Variants in CHCHD5 observed in about 807,000 individuals in gnomAD.
The protein encoded by CHCHD5 is coiled-coil-helix-coiled-coil-helix domain containing 5.
A neutral mutation model predicts 16.0 loss-of-function variants in CHCHD5; 10 were observed. That is an observed-to-expected ratio of 0.63 (90% confidence interval 0.39 to 1.06). CHCHD5 has a LOEUF of 1.06. Among genes scored for constraint, CHCHD5 ranks in the 50% least tolerant of loss-of-function variants. The pLI is 0.01. For missense variants in CHCHD5, 163 were observed against 153.4 expected, an observed-to-expected ratio of 1.06 and a Z score of -0.33; for synonymous variants, 55 against 56.3, an observed-to-expected ratio of 0.98 and a Z score of 0.10.
intron 1 of CHCHD5, among the ~76,000 whole-genome samples, chr2:112,585,145 G>C (rs1036465793): frequency 6.6e-6 from 1 of 152,134 alleles, no homozygotes; most frequent in African/African-American, 2.4e-5. Flanking sequence ...ACCTCATCCA[G>C]GGCTTCCAGA....
chr2:112,585,465 T>A (rs1347265021), intron 1 of CHCHD5, among the ~76,000 whole-genome samples: 1 of 151,978 alleles, frequency 6.6e-6, no homozygotes, highest in Non-Finnish European at 1.5e-5. Flanking sequence ...GAACCTCCAC[T>A]CTCTCCCCAG....
Position 112,588,925 on chromosome 2 carries a change from GA to G in CHCHD5, c.*37del. 6.4e-7 allele frequency: 1 copy of G among 1,570,974 alleles called. No individual in the cohort carries two copies. Among genetic ancestry groups the G allele is most frequent in the Non-Finnish European group, 8.8e-7 (1 of 1,141,134 alleles). On this transcript the variant is annotated 3_prime_UTR_variant, in exon 4 of 4. Transcript: ENST00000324913. Reference sequence around the variant, plus strand: ...GACGGCAGGAAAACTGGACATGAATGACTGCCCCCACGCCCCTCCCCTGCAG... The same window carrying G: ...GACGGCAGGAAAACTGGACATGAATGCTGCCCCCACGCCCCTCCCCTGCAG...
Position 112,586,121 on chromosome 2 carries a change from G to A in CHCHD5, c.143+7G>A, listed in dbSNP as rs1379552111. The A allele has an allele frequency of 6.2e-7, 1 of 1,614,080 alleles. No homozygotes were observed. The highest frequency in any genetic ancestry group is 2.2e-5 in the East Asian group (1 of 44,858). The stretch of plus-strand genomic sequence containing the variant: ...CCCAGTGCACATCCTCCCAGTGAGT[G>A]CGGGCAAGTATGAGACAGTGTGGGG... On this transcript the variant is annotated splice_region_variant and intron_variant, in intron 2 of 3. Coordinates refer to ENST00000324913, the MANE Select transcript of CHCHD5 (RefSeq NM_032309.4).
Position 112,588,949 on chromosome 2 carries a change from C to T in CHCHD5, c.*60C>T. On this transcript the variant is annotated 3_prime_UTR_variant, in exon 4 of 4. Coordinates refer to ENST00000324913, the MANE Select transcript of CHCHD5 (RefSeq NM_032309.4). ...TGACTGCCCCCACGCCCCTCCCCTG[C>T]AGAGTGGCCAGATGGAGTCCTGAGC... is the stretch of plus-strand genomic sequence containing the variant. 7.8e-7 allele frequency: 1 copy of T among 1,275,430 alleles called. No individual in the cohort carries two copies. Among genetic ancestry groups the T allele is most frequent in the Non-Finnish European group, 1.1e-6 (1 of 873,952 alleles). The allele number at this position is 1,275,430 out of a possible 1,614,324, so 79.0% of individuals were successfully genotyped here.
Position 112,589,001 on chromosome 2 carries a change from A to C in CHCHD5, c.*112A>C. On this transcript the variant is annotated 3_prime_UTR_variant, in exon 4 of 4. Transcript: ENST00000324913. ...CTGGACATGGGCCCGGCTTTCCTGG[A>C]TATCAGGACTTCCAATAAATAAAGA... 1 of 738,642 alleles carries C rather than the reference A, an allele frequency of 1.4e-6. No homozygotes were observed. Among genetic ancestry groups the C allele is most frequent in the Non-Finnish European group, 2.4e-6 (1 of 421,898 alleles). The allele number at this position is 738,642 out of a possible 1,614,324, so 45.8% of individuals were successfully genotyped here.
chr2:112,585,165 C>T (rs1316239355), intron 1 of CHCHD5, among the ~76,000 whole-genome samples: 1 of 152,170 alleles, frequency 6.6e-6, no homozygotes, highest in African/African-American at 2.4e-5. Flanking sequence ...ACTTCACGCC[C>T]CTGGGACCTT....
chr2:112,585,310 A>C (rs1302540002), intron 1 of CHCHD5, among the ~76,000 whole-genome samples: 1 of 152,162 alleles, frequency 6.6e-6, no homozygotes, highest in Non-Finnish European at 1.5e-5. Context: ...AGGGCTCTCA[A>C]GCTCTCCCTG....
Position 112,585,908 on chromosome 2 carries a change from A to T in CHCHD5, c.3-66A>T, listed in dbSNP as rs931015219. 23 of 1,555,454 alleles carry T rather than the reference A, an allele frequency of 1.5e-5. No homozygotes were observed. In the African/African-American group the frequency reaches 2.6e-4, roughly 18 times the overall value. ...GAGACCCTGTCTCTAAAAAATAAAAAAAAAAAAAAGAATTCCCTTGCTTGC... is the reference window on the plus strand; with the variant it reads ...GAGACCCTGTCTCTAAAAAATAAAATAAAAAAAAAGAATTCCCTTGCTTGC... On this transcript the variant is annotated intron_variant, in intron 1 of 3. Coordinates refer to ENST00000324913, the MANE Select transcript of CHCHD5 (RefSeq NM_032309.4).
In CHCHD5 at chr2:112,586,219, CG is replaced by C; in HGVS notation, c.164del (p.Arg55ProfsTer69). 6.2e-7 allele frequency: 1 copy of C among 1,611,144 alleles called. No homozygotes were observed. The highest frequency in any genetic ancestry group is 8.5e-7 in the Non-Finnish European group (1 of 1,177,458). ...CCACAGCCCAATCATCCGCCAGATC[CG>C]CCAGGCCTGTGCTCAGCCTTTTGAG... ...TSSHPIIRQI[R>X]QACAQPFEAF... On this transcript the variant is annotated frameshift_variant, in exon 3 of 4. Coordinates refer to ENST00000324913, the MANE Select transcript of CHCHD5 (RefSeq NM_032309.4). LOFTEE classifies it high-confidence loss of function.
At chr2:112,584,813 C>A (rs755914066) in intron 1 of CHCHD5, 164 bp downstream of exon 1, 10 of 785,462 alleles carry the variant, frequency 1.3e-5, no homozygotes, top group Non-Finnish European at 2.1e-5. Context: ...CAACCCTCCG[C>A]ATGCCCAAGC....
At chr2:112,586,416 A>C in intron 3 of CHCHD5, 51 bp downstream of exon 3, 1 of 1,612,912 alleles carries the variant, frequency 6.2e-7, no homozygotes, top group East Asian at 2.2e-5. Flanking sequence ...CATCCCCTTC[A>C]TCCTTCTGGT....
intron 1 of CHCHD5, 56 bp from the exon 2 acceptor site, chr2:112,585,918 G>T: frequency 1.3e-6 from 2 of 1,519,750 alleles, no homozygotes; most frequent in South Asian, 1.2e-5. Flanking sequence ...AAAAAAAAAA[G>T]AATTCCCTTG....
chr2:112,585,796 G>T (rs763136822), intron 1 of CHCHD5, among the ~76,000 whole-genome samples, 178 bp from the exon 2 acceptor site: 1 of 152,108 alleles, frequency 6.6e-6, no homozygotes, highest in Non-Finnish European at 1.5e-5. Flanking sequence ...TACTTAGGAG[G>T]TTGGGGCAGG....
upstream of CHCHD5, chr2:112,584,558 C>A (rs943524959): frequency 1.2e-5 from 19 of 1,571,652 alleles, no homozygotes; most frequent in East Asian, 1.3e-4. Context: ...CCGGAAAAAA[C>A]CAGGCTGGGC....
chr2:112,587,530 C>T (rs1236367217), intron 3 of CHCHD5: 1 of 152,286 alleles, frequency 6.6e-6, no homozygotes, highest in African/African-American at 2.4e-5. Flanking sequence ...CAGAAAACCT[C>T]CCTGATGTCC....
intron 3 of CHCHD5, chr2:112,586,923 A>T (rs1685244205): frequency 5.1e-6 from 1 of 195,010 alleles, no homozygotes; most frequent in Non-Finnish European, 1.1e-5. Context: ...TGTGATATGT[A>T]AGTTTCATGG....
intron 1 of CHCHD5, chr2:112,584,901 C>G: frequency 1.8e-6 from 1 of 569,866 alleles, no homozygotes; most frequent in Non-Finnish European, 3.2e-6. Flanking sequence ...CACCCAATCT[C>G]TGCCCCCAGT....
In CHCHD5 at chr2:112,586,131, A is replaced by G. The variant is rs1685209310; in HGVS notation, c.143+17A>G. 2.2e-6 allele frequency: 3 copies of G among 1,340,132 alleles called. No homozygotes were observed. The highest frequency in any genetic ancestry group is 2.9e-5 in the African/African-American group (2 of 68,286). 83.0% of individuals were successfully genotyped at this position (1,340,132 alleles called of 1,614,324 possible). On this transcript the variant is annotated intron_variant, in intron 2 of 3. Coordinates refer to ENST00000324913, the MANE Select transcript of CHCHD5 (RefSeq NM_032309.4). ...ATCCTCCCAGTGAGTGCGGGCAAGT[A>G]TGAGACAGTGTGGGGGGTGGGCAGT...
intron 1 of CHCHD5, chr2:112,584,968 T>A: frequency 2.1e-6 from 1 of 480,330 alleles, no homozygotes; most frequent in Admixed American, 3.3e-5. Flanking sequence ...TTTAGGGACC[T>A]CTATGACTCC....
Sources: gnomAD v4.1 joint callset for allele counts (sites outside exome capture counted in the v4.1 genomes callset) on GRCh38, gnomAD v4.1.1 for gene constraint, MANE v1.5 for transcripts, NCBI Gene and HGNC (gene_info 2026-07-23, HGNC 2026-07-21) for gene names.